Variants in KRT36 observed in about 807,000 individuals in gnomAD.
KRT36 encodes keratin, type I cuticular Ha6.
Under a neutral mutation model 43.0 loss-of-function variants are expected in KRT36, and 41 were observed. The observed-to-expected ratio is 0.95, with a 90% CI of 0.74 to 1.24. The LOEUF (loss-of-function observed/expected upper bound fraction) is 1.24. Ranked by LOEUF, KRT36 falls within the 50% of genes most tolerant of loss-of-function variation. KRT36 has a pLI of 0.00. For missense variants in KRT36, 627 were observed against 595.3 expected, an observed-to-expected ratio of 1.05 and a Z score of -0.55; for synonymous variants, 277 against 252.9, an observed-to-expected ratio of 1.10 and a Z score of -0.90.
intron 5 of KRT36, 77 bp from the exon 6 acceptor site, chr17:41,487,247 G>T: frequency 6.3e-7 from 1 of 1,576,038 alleles, no homozygotes; most frequent in Non-Finnish European, 8.6e-7. Flanking sequence ...CTGGGCATCT[G>T]CCTACGGCCT....
chr17:41,487,538 G>C (rs1904436307), intron 4 of KRT36, 38 bp downstream of exon 4: 5 of 1,613,038 alleles, frequency 3.1e-6, no homozygotes, highest in Non-Finnish European at 4.2e-6. Context: ...GGTAACCCCA[G>C]CCCAGGAGCC....
At chr17:41,488,144 G>A in intron 3 of KRT36, 99 bp downstream of exon 3, 1 of 1,103,882 alleles carries the variant, frequency 9.1e-7, no homozygotes, top group Non-Finnish European at 1.3e-6. Context: ...GAAATGCAAG[G>A]CCTTTGTATA....
Position 41,487,410 on chromosome 17 carries a change from T to G in KRT36, c.928A>C (p.Ile310Leu). The G allele has an allele frequency of 6.2e-7, 1 of 1,613,984 alleles. No homozygotes were observed. The highest frequency in any genetic ancestry group is 8.5e-7 in the Non-Finnish European group (1 of 1,179,904). ...EQLQCCQTEI[I>L]ELRRTVNALE... Reference sequence around the variant, plus strand: ...GCGTTGACCGTACGTCTCAGCTCGATGATCTCCGTCTGGCAGCACTGCAGC... The same window carrying G: ...GCGTTGACCGTACGTCTCAGCTCGAGGATCTCCGTCTGGCAGCACTGCAGC... Residue 310 changes from isoleucine (I) to leucine (L), a missense_variant, in exon 5 of 7, where the codon ATC becomes CTC. Coordinates refer to ENST00000328119, the MANE Select transcript of KRT36 (RefSeq NM_003771.5).
chr17:41,486,628 C>T, intron 6 of KRT36, 57 bp from the exon 7 acceptor site: 1 of 1,346,076 alleles, frequency 7.4e-7, no homozygotes, highest in Non-Finnish European at 1.0e-6. Context: ...GGCTGAGATT[C>T]GTGTTAAACA....
chr17:41,488,810 T>TG, intron 1 of KRT36, 86 bp from the exon 2 acceptor site: 30 of 1,089,102 alleles, frequency 2.8e-5, no homozygotes, highest in Non-Finnish European at 4.1e-5. Flanking sequence ...ACAGAGGCCA[T>TG]GCCACTGTGT....
rs760373252 is a variant in KRT36 at position 41,488,342 on chromosome 17, A to C, written c.600T>G (p.Arg200=). The change falls in exon 3 of 7, where the codon CGT becomes CGG. Residue 200 remains arginine (R), a synonymous_variant. Coordinates refer to ENST00000328119, the MANE Select transcript of KRT36 (RefSeq NM_003771.5). ...ACAGGGTCAGCTCATCCAGGATCCTACGCAGGCCGTTGATGTCGGCCTCCA... is the reference window on the plus strand; with the variant it reads ...ACAGGGTCAGCTCATCCAGGATCCTCCGCAGGCCGTTGATGTCGGCCTCCA... ...QLVEADINGL[R]RILDELTLCK... The C allele has an allele frequency of 1.2e-5, 19 of 1,614,012 alleles. No homozygotes were observed. Among genetic ancestry groups the C allele is most frequent in the Non-Finnish European group, 6.8e-6 (8 of 1,180,018 alleles).
In KRT36 at chr17:41,486,383, G is replaced by C. The variant is rs148487920; in HGVS notation, c.1397C>G (p.Pro466Arg). The part of the protein sequence containing the change: ...ISSREHVQSR[P>R]L ...GGTGGACCAAGTGGGCTGTCACAGC[G>C]GGCGGGACTGCACGTGCTCCCTGGA... The change falls in exon 7 of 7, where the codon CCG (proline) becomes CGG (arginine). Residue 466 changes from proline (P) to arginine (R), a missense_variant. Transcript: ENST00000328119. The C allele has an allele frequency of 1.2e-6, 2 of 1,613,648 alleles. No homozygotes were observed. Among genetic ancestry groups the C allele is most frequent in the Admixed American group, 1.7e-5 (1 of 59,994 alleles).
rs753702250 is a variant in KRT36 at position 41,487,129 on chromosome 17, G to A, written c.1029C>T (p.Arg343=). 2 of 1,614,142 alleles carry A rather than the reference G, an allele frequency of 1.2e-6. No homozygotes were observed. Among genetic ancestry groups the A allele is most frequent in the Non-Finnish European group, 1.7e-6 (2 of 1,179,942 alleles). ...GCATCTGGGCCAGCTGGGAGCTGTA[G>A]CGGGCCTCGGTTTCGGCCAGGGTGG... ...LESTLAETEA[R]YSSQLAQMQC... is the part of the protein sequence containing the mutation. Residue 343 remains arginine, a synonymous_variant, in exon 6 of 7, where the codon CGC becomes CGT. Coordinates refer to ENST00000328119, the MANE Select transcript of KRT36 (RefSeq NM_003771.5).
chr17:41,486,214 AG>A lies in KRT36; in HGVS notation c.*161del. On this transcript the variant is annotated 3_prime_UTR_variant, in exon 7 of 7. Transcript: ENST00000328119. The stretch of plus-strand genomic sequence containing the variant: ...CTGGTTTTGCATGGCGTAAAAGCAC[AG>A]TTAAGTCCGGAAACACAATACGGGG... 3 of 596,786 alleles carry A rather than the reference AG, an allele frequency of 5.0e-6. No homozygotes were observed. The South Asian group carries it at 6.3e-5, about 12-fold the overall frequency. 37.0% of individuals were successfully genotyped at this position (596,786 alleles called of 1,614,324 possible).
At chr17:41,488,881 C>A (rs535980607) in intron 1 of KRT36, among the ~76,000 whole-genome samples, 157 bp from the exon 2 acceptor site, 15 of 152,270 alleles carry the variant, frequency 9.9e-5, no homozygotes, top group Non-Finnish European at 1.8e-4. Flanking sequence ...GGGGAGCATC[C>A]ACCCCACAGG....
Position 41,489,728 on chromosome 17 carries a change from G to A in KRT36, c.137C>T (p.Ala46Val). 3 of 1,614,142 alleles carry A rather than the reference G, an allele frequency of 1.9e-6. No homozygotes were observed. The highest frequency in any genetic ancestry group is 2.5e-6 in the Non-Finnish European group (3 of 1,180,030). The change falls in exon 1 of 7, where the codon GCA becomes GTA. Residue 46 changes from alanine (A) to valine (V), a missense_variant. Ala to Val is a moderately conservative substitution (Grantham distance 64, BLOSUM62 0). Transcript: ENST00000328119. Reference sequence around the variant, plus strand: ...CGACCTAGCAGAAGAGATGTACCCTGCAGCACCGGCGAGACTGGGGACCCT... The same window carrying A: ...CGACCTAGCAGAAGAGATGTACCCTACAGCACCGGCGAGACTGGGGACCCT... ...SCRVPSLAGA[A>V]GYISSARSGL... is the part of the protein sequence containing the mutation.
In KRT36 at chr17:41,488,360, G is replaced by A. The variant is rs770072013; in HGVS notation, c.582C>T (p.Ala194=). ...GGATCCTACGCAGGCCGTTGATGTC[G>A]GCCTCCACTAGCTGCCGCAGAGACA... The part of the protein sequence containing the change: ...TELSLRQLVE[A]DINGLRRILD... The change falls in exon 3 of 7, where the codon GCC becomes GCT. Residue 194 remains alanine (A), a synonymous_variant. Coordinates refer to ENST00000328119, the MANE Select transcript of KRT36 (RefSeq NM_003771.5). The A allele has an allele frequency of 1.1e-5, 17 of 1,614,010 alleles. No homozygotes were observed. Among genetic ancestry groups the A allele is most frequent in the African/African-American group, 2.7e-5 (2 of 74,908 alleles).
At position 41,487,712 on chromosome 17, in the gene KRT36, A is replaced by G. The variant is rs775057681; in HGVS notation, c.725T>C (p.Leu242Pro). Reference sequence around the variant, plus strand: ...CACCTCCACATTCAGTCGGTCCCCAAGTTGGCAACGGAGTACACTGACTTC... The same window carrying G: ...CACCTCCACATTCAGTCGGTCCCCAGGTTGGCAACGGAGTACACTGACTTC... ...EEEVSVLRCQ[L>P]GDRLNVEVDA... The change falls in exon 4 of 7, where the codon CTT becomes CCT. Residue 242 changes from leucine (L) to proline (P), a missense_variant. Transcript: ENST00000328119. The G allele has an allele frequency of 2.7e-5, 43 of 1,613,636 alleles. No individual in the cohort carries two copies. Among genetic ancestry groups the G allele is most frequent in the Non-Finnish European group, 3.4e-5 (40 of 1,179,670 alleles).
chr17:41,488,611 T>C lies in KRT36; in HGVS notation c.542+31A>G, dbSNP rs751706952. 4 of 1,606,192 alleles carry C rather than the reference T, an allele frequency of 2.5e-6. No individual in the cohort carries two copies. The African/African-American group carries it at 4.0e-5, about 16-fold the overall frequency. ...AGGGGACAGAGGCAAGGGAGTGGCATGGCAAACCTTCCCTGATCAGGCCCA... is the reference window on the plus strand; with the variant it reads ...AGGGGACAGAGGCAAGGGAGTGGCACGGCAAACCTTCCCTGATCAGGCCCA... On this transcript the variant is annotated intron_variant, in intron 2 of 6. Transcript: ENST00000328119.
chr17:41,487,837 G>T, intron 3 of KRT36, 100 bp from the exon 4 acceptor site: 2 of 1,189,570 alleles, frequency 1.7e-6, no homozygotes, highest in Non-Finnish European at 2.4e-6. Context: ...GTCACCAGCT[G>T]CATAGCATTA....
rs8065111 is a variant in KRT36 at position 41,489,354 on chromosome 17, C to T, written c.459+52G>A. 4.6e-3 allele frequency: 7,123 copies of T among 1,559,932 alleles called. 273 individuals are homozygous for T. The African/African-American group carries it at 0.088, about 19-fold the overall frequency. The stretch of plus-strand genomic sequence containing the variant: ...TGGAAAGGCCCTGGAATGAGACAGA[C>T]GCCTCCTAAGAGTTGGGCTGCTCAG... On this transcript the variant is annotated intron_variant, in intron 1 of 6. Coordinates refer to ENST00000328119, the MANE Select transcript of KRT36 (RefSeq NM_003771.5).
chr17:41,487,350 C>T lies in KRT36; in HGVS notation c.987+1G>A, dbSNP rs1904420158. 1.9e-6 allele frequency: 3 copies of T among 1,610,656 alleles called. No homozygotes were observed. Among genetic ancestry groups the T allele is most frequent in the East Asian group, 4.5e-5 (2 of 44,830 alleles). ...CAGCGACGCAGGCAGGGGCCACTCA[C>T]CATGCTGTGCTGAGCCTGCAGCTCA... On this transcript the variant is annotated splice_donor_variant, in intron 5 of 6. Coordinates refer to ENST00000328119, the MANE Select transcript of KRT36 (RefSeq NM_003771.5). LOFTEE classifies it high-confidence loss of function.
Position 41,488,295 on chromosome 17 carries a change from T to A in KRT36, c.647A>T (p.Gln216Leu), listed in dbSNP as rs764011875. The change falls in exon 3 of 7, where the codon CAG becomes CTG. Residue 216 changes from glutamine to leucine, a missense_variant. Physicochemically the swap from Gln to Leu is moderately radical, Grantham distance 113. Transcript: ENST00000328119. Reference protein sequence around the residue: ...LTLCKADLEAQVESLKEELMC... With the variant: ...LTLCKADLEALVESLKEELMC... ...CAGCTCCTCCTTCAGGGACTCCACC[T>A]GAGCCTCCAGGTCAGCCTTGCACAG... 5.0e-6 allele frequency: 8 copies of A among 1,614,168 alleles called. No homozygotes were observed. Among genetic ancestry groups the A allele is most frequent in the Non-Finnish European group, 6.8e-6 (8 of 1,180,004 alleles).
In KRT36 at chr17:41,487,635, G is replaced by A. The variant is rs1904442811; in HGVS notation, c.802C>T (p.Gln268Ter). Residue 268 changes from glutamine to a stop codon, truncating the protein, a stop_gained, in exon 4 of 7, where the codon CAG (glutamine) becomes TAG (stop). Transcript: ENST00000328119. LOFTEE classifies it high-confidence loss of function. ...TTATTCTCCACCAGGGCCTCGTACTGGCATCTCATATCCTCCAGGATCTTG... is the reference window on the plus strand; with the variant it reads ...TTATTCTCCACCAGGGCCTCGTACTAGCATCTCATATCCTCCAGGATCTTG... ...LNKILEDMRCQYEALVENNRR... is the reference protein window; with the variant it reads ...LNKILEDMRC The A allele has an allele frequency of 6.2e-7, 1 of 1,614,046 alleles. No individual in the cohort carries two copies. Among genetic ancestry groups the A allele is most frequent in the South Asian group, 1.1e-5 (1 of 91,088 alleles).
Sources: gnomAD v4.1 joint callset for allele counts (sites outside exome capture counted in the v4.1 genomes callset) on GRCh38, gnomAD v4.1.1 for gene constraint, MANE v1.5 for transcripts, NCBI Gene and HGNC (gene_info 2026-07-23, HGNC 2026-07-21) for gene names.